ZBTB7C: variants seen among roughly 807,000 people sequenced by gnomAD.
The protein encoded by ZBTB7C is zinc finger and BTB domain containing 7C.
ZBTB7C carries 8 observed loss-of-function variants against 25.7 expected under a neutral mutation model. The observed-to-expected ratio is 0.31, with a 90% CI of 0.18 to 0.56. The LOEUF is 0.56. Among genes scored for constraint, ZBTB7C ranks in the 20% least tolerant of loss-of-function variants. The pLI, the probability that ZBTB7C is intolerant of heterozygous loss-of-function variation, is 0.91. For synonymous variants in ZBTB7C, 394 were observed against 369.0 expected, an observed-to-expected ratio of 1.07 and a Z score of -0.78; for missense variants, 824 against 855.2, an observed-to-expected ratio of 0.96 and a Z score of 0.46.
rs1031075422 is a variant in ZBTB7C at position 48,059,192 on chromosome 18, A to AT, written c.-16-18070dup. Among the ~76,000 whole-genome samples, 100 of 150,548 alleles carry AT rather than the reference A, an allele frequency of 6.6e-4. 1 individual carries two copies. Among genetic ancestry groups the AT allele is most frequent in the Admixed American group, 3.2e-3 (48 of 15,106 alleles). On this transcript the variant is annotated intron_variant, in intron 3 of 4. Coordinates refer to ENST00000590800, the MANE Select transcript of ZBTB7C (RefSeq NM_001318841.2). ...TGTACTCTTTGGCCTTTGTCCATTTATTTTTTTTTGCCTGGGTTTTGTGTG... is the reference window on the plus strand; with the variant it reads ...TGTACTCTTTGGCCTTTGTCCATTTATTTTTTTTTTGCCTGGGTTTTGTGTG...
chr18:48,402,677 T>C (rs1015878690), intron 1 of ZBTB7C, among the ~76,000 whole-genome samples: 1 of 152,216 alleles, frequency 6.6e-6, no homozygotes, highest in African/African-American at 2.4e-5. Flanking sequence ...AAAGATGGCA[T>C]GGATTTTAAC....
At chr18:48,105,196 G>A (rs2038986261) in intron 3 of ZBTB7C, among the ~76,000 whole-genome samples, 1 of 152,222 alleles carries the variant, frequency 6.6e-6, no homozygotes, top group Non-Finnish European at 1.5e-5. Flanking sequence ...GTCAGGAACA[G>A]GATTTAGAAT....
chr18:48,275,914 T>C (rs2044634817), intron 2 of ZBTB7C, among the ~76,000 whole-genome samples: 1 of 152,186 alleles, frequency 6.6e-6, no homozygotes, highest in African/African-American at 2.4e-5. Context: ...AGACTTGTTT[T>C]CTCCCCAAAG....
At chr18:48,216,761 C>T (rs1287101763) in intron 2 of ZBTB7C, among the ~76,000 whole-genome samples, 1 of 152,182 alleles carries the variant, frequency 6.6e-6, no homozygotes, top group Non-Finnish European at 1.5e-5. Context: ...CATCCCTCCT[C>T]TCCATCCTAT....
intron 2 of ZBTB7C, among the ~76,000 whole-genome samples, chr18:48,236,413 G>A (rs1016452685): frequency 6.6e-6 from 1 of 152,174 alleles, no homozygotes; most frequent in Non-Finnish European, 1.5e-5. Context: ...TGTTGAACAG[G>A]CAAATGAACC....
intron 2 of ZBTB7C, among the ~76,000 whole-genome samples, chr18:48,266,205 G>A (rs982940997): frequency 1.3e-5 from 2 of 152,092 alleles, no homozygotes; most frequent in Non-Finnish European, 2.9e-5. Flanking sequence ...TTAAGTGGTC[G>A]ATGGAGCTAG....
At chr18:48,356,479 G>A (rs557192551) in intron 1 of ZBTB7C, among the ~76,000 whole-genome samples, 17 of 152,156 alleles carry the variant, frequency 1.1e-4, no homozygotes, top group African/African-American at 1.9e-4. Flanking sequence ...ACTGTGCTAC[G>A]GGCTTTTCCA....
chr18:48,139,790 AAGGGG>A (rs948219897), intron 3 of ZBTB7C, among the ~76,000 whole-genome samples: 7 of 151,004 alleles, frequency 4.6e-5, no homozygotes, highest in African/African-American at 1.7e-4. Flanking sequence ...GAGAGAGGGC[AAGGGG>A]AGGCTCCCAA....
At chr18:48,385,764 T>C (rs903761369) in intron 1 of ZBTB7C, among the ~76,000 whole-genome samples, 1 of 152,152 alleles carries the variant, frequency 6.6e-6, no homozygotes, top group Non-Finnish European at 1.5e-5. Flanking sequence ...TCGTGATTTG[T>C]GGTTTCAAAC....
chr18:48,402,687 C>T (rs2048187380), intron 1 of ZBTB7C, among the ~76,000 whole-genome samples: 1 of 152,108 alleles, frequency 6.6e-6, no homozygotes. Flanking sequence ...TGGATTTTAA[C>T]AGTTTTGGAA....
At chr18:48,370,388 G>C (rs1470145190) in intron 1 of ZBTB7C, among the ~76,000 whole-genome samples, 1 of 152,136 alleles carries the variant, frequency 6.6e-6, no homozygotes, top group Non-Finnish European at 1.5e-5. Flanking sequence ...TTACAGAAAT[G>C]AAGAACAGGT....
intron 3 of ZBTB7C, among the ~76,000 whole-genome samples, chr18:48,078,657 G>C (rs892751030): frequency 2.0e-5 from 3 of 152,210 alleles, no homozygotes; most frequent in Admixed American, 2.0e-4. Flanking sequence ...GTGGTAGAGA[G>C]AGCCACTAAT....
chr18:48,393,086 T>C (rs2047938797), intron 1 of ZBTB7C, among the ~76,000 whole-genome samples: 1 of 152,236 alleles, frequency 6.6e-6, no homozygotes, highest in African/African-American at 2.4e-5. Flanking sequence ...ACTATGCTTT[T>C]TGATGTGACA....
chr18:48,048,138 C>A (rs1003761428), intron 3 of ZBTB7C, among the ~76,000 whole-genome samples: 5 of 152,084 alleles, frequency 3.3e-5, no homozygotes, highest in Non-Finnish European at 4.4e-5. Context: ...GAGACCCAAG[C>A]TTGCCAGGTG....
chr18:48,059,925 C>T (rs539979954), intron 3 of ZBTB7C, among the ~76,000 whole-genome samples: 5 of 152,272 alleles, frequency 3.3e-5, no homozygotes, highest in East Asian at 1.9e-4. Flanking sequence ...GAGGGTGCGA[C>T]CCTTCCCCGG....
chr18:48,223,886 T>C (rs1342525404), intron 2 of ZBTB7C, among the ~76,000 whole-genome samples: 1 of 152,216 alleles, frequency 6.6e-6, no homozygotes, highest in African/African-American at 2.4e-5. Flanking sequence ...ACTGAAAAAT[T>C]ACATGTCCCA....
intron 2 of ZBTB7C, among the ~76,000 whole-genome samples, chr18:48,321,214 C>T (rs938640599): frequency 1.3e-5 from 2 of 152,164 alleles, no homozygotes; most frequent in African/African-American, 4.8e-5. Flanking sequence ...TGGTCTAGCT[C>T]CCCTGTCCCT....
upstream of ZBTB7C, among the ~76,000 whole-genome samples, chr18:48,412,203 A>G (rs1011958388): frequency 1.3e-5 from 2 of 152,244 alleles, no homozygotes; most frequent in Non-Finnish European, 2.9e-5. Flanking sequence ...TGTAGAGCAC[A>G]TTGTAAATTG....
chr18:48,253,602 G>A (rs2043932976), intron 2 of ZBTB7C, among the ~76,000 whole-genome samples: 1 of 152,148 alleles, frequency 6.6e-6, no homozygotes, highest in African/African-American at 2.4e-5. Flanking sequence ...GGGAGATCAA[G>A]GCAGTTAAAG....
Sources: allele counts gnomAD v4.1 joint callset (sites outside exome capture counted in the v4.1 genomes callset), GRCh38; gene constraint gnomAD v4.1.1; transcripts MANE v1.5; gene names NCBI Gene and HGNC (gene_info 2026-07-23, HGNC 2026-07-21).